SFMBT1: variants seen among roughly 807,000 people sequenced by gnomAD.
SFMBT1 encodes scm-like with four MBT domains protein 1.
Under a neutral mutation model 108.7 loss-of-function variants are expected in SFMBT1, and 32 were observed. That is an observed-to-expected ratio of 0.29 (90% CI 0.22 to 0.40). SFMBT1 has a LOEUF of 0.40. Among genes scored for constraint, SFMBT1 ranks in the 10% least tolerant of loss-of-function variants. The pLI is 1.00. For missense variants in SFMBT1, 816 were observed against 1,059.6 expected (o/e 0.77, Z 3.19); for synonymous variants, 348 against 369.5 (o/e 0.94, Z 0.67).
At chr3:52,920,074 G>A (rs1019841060) in intron 12 of SFMBT1, among the ~76,000 whole-genome samples, 21 of 152,238 alleles carry the variant, frequency 1.4e-4, no homozygotes, top group African/African-American at 4.3e-4. Flanking sequence ...ACCAGGAAAT[G>A]CACCCTCACC....
intron 1 of SFMBT1, among the ~76,000 whole-genome samples, chr3:52,984,869 C>T (rs1337985011): frequency 6.6e-6 from 1 of 151,846 alleles, no homozygotes; most frequent in Non-Finnish European, 1.5e-5. Flanking sequence ...ATGACCACTT[C>T]GCAGCCCGGC....
At chr3:53,012,098 G>C (rs191492591) in intron 1 of SFMBT1, among the ~76,000 whole-genome samples, 1 of 152,316 alleles carries the variant, frequency 6.6e-6, no homozygotes, top group East Asian at 1.9e-4. Context: ...AGGAAACCTA[G>C]AAAGTTTCCT....
At chr3:52,984,726 CTG>C (rs57308874) in intron 1 of SFMBT1, among the ~76,000 whole-genome samples, 8,630 of 140,114 alleles carry the variant, frequency 0.062, 322 homozygotes, top group African/African-American at 0.1. Flanking sequence ...ATACTAAATA[CTG>C]TGTGTGTGTG....
chr3:52,958,229 T>C (rs1029063948), intron 2 of SFMBT1, among the ~76,000 whole-genome samples: 2 of 152,150 alleles, frequency 1.3e-5, no homozygotes, highest in African/African-American at 4.8e-5. Context: ...CACTGATGAT[T>C]AGAGAAATGC....
At position 52,948,720 on chromosome 3, in the gene SFMBT1, C is replaced by T. The variant is rs145752943; in HGVS notation, c.124-5127G>A. On this transcript the variant is annotated intron_variant, in intron 3 of 20. Coordinates refer to ENST00000394752, the MANE Select transcript of SFMBT1 (RefSeq NM_016329.4). The stretch of plus-strand genomic sequence containing the variant: ...AGGCTGATGTACAGCGGCACAATCT[C>T]GGGTCACTGCAACCTCTGTCTCCTG... Among the ~76,000 whole-genome samples the T allele has an allele frequency of 2.6e-3, 393 of 150,926 alleles. 3 individuals carry two copies. Among genetic ancestry groups the T allele is most frequent in the African/African-American group, 8.5e-3 (351 of 41,234 alleles).
intron 1 of SFMBT1, among the ~76,000 whole-genome samples, chr3:53,006,431 C>A (rs751185251): frequency 2.0e-5 from 3 of 152,108 alleles, no homozygotes; most frequent in African/African-American, 4.8e-5. Flanking sequence ...GAGCTCAAGA[C>A]CAGCCTGACC....
intron 9 of SFMBT1, 127 bp downstream of exon 9, chr3:52,928,064 C>A: frequency 2.5e-6 from 3 of 1,204,098 alleles, no homozygotes; most frequent in Non-Finnish European, 3.4e-6. Context: ...TTTTCTCAGA[C>A]CCCAAAAACG....
Position 52,928,331 on chromosome 3 carries a change from T to C in SFMBT1, c.908A>G (p.Glu303Gly). 6.2e-7 allele frequency: 1 copy of C among 1,613,604 alleles called. No individual in the cohort carries two copies. The highest frequency in any genetic ancestry group is 8.5e-7 in the Non-Finnish European group (1 of 1,179,964). Residue 303 changes from glutamate (E) to glycine (G), a missense_variant, in exon 9 of 21, where the codon GAG becomes GGG. Physicochemically the swap from Glu to Gly is moderately conservative, Grantham distance 98. Around this residue, in one of 5 missense-constraint regions of SFMBT1, gnomAD observed 495 missense variants for 607.4 expected, o/e 0.81. Transcript: ENST00000394752. ...ATCCATTTCCACCAGAAAGTACTTC[T>C]CATCAAAAACCTATACATGCAATTA... is the stretch of plus-strand genomic sequence containing the variant. ...SPATVVKVFD[E>G]KYFLVEMDDL... is the part of the protein sequence containing the mutation.
chr3:52,964,651 GAA>G (rs540509239), intron 2 of SFMBT1, among the ~76,000 whole-genome samples: 6 of 150,996 alleles, frequency 4.0e-5, no homozygotes, highest in Non-Finnish European at 8.9e-5. Context: ...CTACTTTAAA[GAA>G]AAAAAAAGCT....
rs976406617 is a variant in SFMBT1 at position 52,905,980 on chromosome 3, A to T, written c.2460+133T>A. The T allele has an allele frequency of 3.9e-6, 4 of 1,038,462 alleles. No homozygotes were observed. The African/African-American group carries it at 6.5e-5, about 17-fold the overall frequency. 64.3% of individuals were successfully genotyped at this position (1,038,462 alleles called of 1,614,324 possible). ...CTTTTTATCATCTTTGACTCCTAAA[A>T]ATGGAATTAAGACAATTCTTGTCTT... On this transcript the variant is annotated intron_variant, in intron 20 of 20. Transcript: ENST00000394752.
intron 1 of SFMBT1, among the ~76,000 whole-genome samples, chr3:53,039,821 T>A (rs1314967742): frequency 1.3e-5 from 2 of 152,154 alleles, no homozygotes; most frequent in Non-Finnish European, 2.9e-5. Context: ...ACTTTTTTTT[T>A]ATTTGATTTC....
At chr3:52,949,565 C>CTTTTTTTTTTTTT (rs1255408427) in intron 3 of SFMBT1, among the ~76,000 whole-genome samples, 1 of 119,208 alleles carries the variant, frequency 8.4e-6, no homozygotes, top group African/African-American at 3.2e-5. Context: ...ATGTAATGTC[C>CTTTTTTTTTTTTT]TTCTTTTTTT....
chr3:52,985,650 C>T (rs1405447100), intron 1 of SFMBT1, among the ~76,000 whole-genome samples: 1 of 152,106 alleles, frequency 6.6e-6, no homozygotes, highest in Non-Finnish European at 1.5e-5. Flanking sequence ...TGTTGTTTGG[C>T]AATTTTGTCA....
intron 1 of SFMBT1, among the ~76,000 whole-genome samples, chr3:52,984,557 T>C (rs958202736): frequency 2.0e-5 from 3 of 152,112 alleles, no homozygotes; most frequent in African/African-American, 7.2e-5. Context: ...AACACCCACA[T>C]ACTTTCCAAT....
intron 5 of SFMBT1, among the ~76,000 whole-genome samples, chr3:52,934,189 G>A (rs1428153891): frequency 6.6e-6 from 1 of 152,114 alleles, no homozygotes; most frequent in Non-Finnish European, 1.5e-5. Context: ...GATAACAAGT[G>A]TTGGCAAGGA....
At position 52,992,758 on chromosome 3, in the gene SFMBT1, C is replaced by T. The variant is rs1189619861; in HGVS notation, c.-130-23500G>A. On this transcript the variant is annotated intron_variant, in intron 1 of 20. Transcript: ENST00000394752. Reference sequence around the variant, plus strand: ...GTAAAGGAAACAATAAATATACATTCCCATGCAAAATTCAATTCTCTCTCT... The same window carrying T: ...GTAAAGGAAACAATAAATATACATTTCCATGCAAAATTCAATTCTCTCTCT... Among the ~76,000 whole-genome samples, 4 of 152,220 alleles carry T rather than the reference C, an allele frequency of 2.6e-5. No individual in the cohort carries two copies. The East Asian group carries it at 7.7e-4, about 29-fold the overall frequency.
chr3:52,958,876 C>T (rs982595708), intron 2 of SFMBT1, among the ~76,000 whole-genome samples: 3 of 152,114 alleles, frequency 2.0e-5, no homozygotes, highest in Non-Finnish European at 2.9e-5. Flanking sequence ...GGAATCAACC[C>T]AAATGCCCAT....
chr3:52,963,078 C>T (rs886208888), intron 2 of SFMBT1, among the ~76,000 whole-genome samples: 3 of 151,930 alleles, frequency 2.0e-5, no homozygotes, highest in Non-Finnish European at 4.4e-5. Flanking sequence ...ACTGCAACCT[C>T]CACCTCCTGG....
intron 2 of SFMBT1, among the ~76,000 whole-genome samples, chr3:52,965,725 G>A (rs1409531320): frequency 3.3e-5 from 5 of 152,118 alleles, no homozygotes; most frequent in African/African-American, 1.2e-4. Context: ...AAAGACTAAC[G>A]GCCGGGTGCG....
Sources: gnomAD v4.1 joint callset for allele counts (sites outside exome capture counted in the v4.1 genomes callset) on GRCh38, gnomAD v4.1.1 for gene constraint, gnomAD v4.1.1 regional missense constraint, MANE v1.5 for transcripts, NCBI Gene and HGNC (gene_info 2026-07-23, HGNC 2026-07-21) for gene names.